Variants in SLC30A7 observed in about 807,000 individuals in gnomAD.
The protein encoded by SLC30A7 is zinc transporter 7.
A neutral mutation model predicts 46.0 loss-of-function variants in SLC30A7; 35 were observed. That is an observed-to-expected ratio of 0.76 (90% CI 0.58 to 1.01). The LOEUF is 1.01. Among genes scored for constraint, SLC30A7 ranks in the 50% least tolerant of loss-of-function variants. SLC30A7 has a pLI of 0.00. For synonymous variants in SLC30A7, 147 were observed against 157.8 expected, an observed-to-expected ratio of 0.93 and a Z score of 0.51; for missense variants, 464 against 451.1, an observed-to-expected ratio of 1.03 and a Z score of -0.26.
rs368250665 is a variant in SLC30A7, at chr1:100,898,359, T to G, written c.182+1688T>G. Among the ~76,000 whole-genome samples the G allele has an allele frequency of 7.0e-4, 107 of 152,320 alleles. 2 individuals are homozygous for G. The South Asian group carries it at 0.021, about 30-fold the overall frequency. On this transcript the variant is annotated intron_variant, in intron 2 of 10. Coordinates refer to ENST00000357650, the MANE Select transcript of SLC30A7 (RefSeq NM_133496.5). ...GTTGGGGAGATTACCAGAACCATTA[T>G]TTTTTAAGTCAGTATGCATCAGTGC...
chr1:100,933,397 A>G (rs1380761177), intron 8 of SLC30A7, among the ~76,000 whole-genome samples: 1 of 151,802 alleles, frequency 6.6e-6, no homozygotes, highest in Non-Finnish European at 1.5e-5. Flanking sequence ...GATTCCCATC[A>G]TTGTCCTAAC....
chr1:100,953,424 T>C (rs1012932595), intron 8 of SLC30A7, among the ~76,000 whole-genome samples: 8 of 152,244 alleles, frequency 5.3e-5, no homozygotes, highest in African/African-American at 1.9e-4. Flanking sequence ...TTGTCATTTC[T>C]GAAGCTACCT....
Position 100,912,100 on chromosome 1 carries a change from T to G in SLC30A7, c.385-12T>G. On this transcript the variant is annotated splice_polypyrimidine_tract_variant and intron_variant, in intron 4 of 10. Transcript: ENST00000357650. Reference sequence around the variant, plus strand: ...ATATCTATGCTATTTGTTTGTATTATGTGTTTTCTAGAGAGCATTAGCCCC... The same window carrying G: ...ATATCTATGCTATTTGTTTGTATTAGGTGTTTTCTAGAGAGCATTAGCCCC... The G allele has an allele frequency of 6.2e-7, 1 of 1,610,506 alleles. No homozygotes were observed. The highest frequency in any genetic ancestry group is 8.5e-7 in the Non-Finnish European group (1 of 1,177,510).
rs550133482 is a variant in SLC30A7, at chr1:100,976,448, T to C, written c.*1591T>C. The C allele has an allele frequency of 6.6e-5, 10 of 152,356 alleles. No individual in the cohort carries two copies. The highest frequency in any genetic ancestry group is 2.4e-4 in the African/African-American group (10 of 41,584). The allele number at this position is 152,356 out of a possible 1,614,324, so 9.4% of individuals were successfully genotyped here. The stretch of plus-strand genomic sequence containing the variant: ...TCTAGGAAGTAAGTGCTGAGTTGAT[T>C]TTCTAGGTTCTTACGTATTTGAAAA... On this transcript the variant is annotated 3_prime_UTR_variant, in exon 11 of 11. Transcript: ENST00000357650.
intron 8 of SLC30A7, among the ~76,000 whole-genome samples, chr1:100,943,153 T>G (rs1312084181): frequency 3.9e-5 from 6 of 152,058 alleles, no homozygotes; most frequent in African/African-American, 1.5e-4. Flanking sequence ...ATCTCACAGG[T>G]TGAGGGATCC....
intron 9 of SLC30A7, among the ~76,000 whole-genome samples, chr1:100,963,322 G>T (rs537772800): frequency 1.3e-5 from 2 of 152,258 alleles, no homozygotes; most frequent in African/African-American, 4.8e-5. Flanking sequence ...AAGAGTGTAG[G>T]ATCACAGAGT....
chr1:100,960,818 C>A (rs1047095906), intron 8 of SLC30A7, among the ~76,000 whole-genome samples: 2 of 151,898 alleles, frequency 1.3e-5, no homozygotes, highest in African/African-American at 4.8e-5. Flanking sequence ...GACATTCCCT[C>A]AAAGATTCTG....
At chr1:100,950,549 C>G (rs1043053476) in intron 8 of SLC30A7, among the ~76,000 whole-genome samples, 2 of 152,136 alleles carry the variant, frequency 1.3e-5, no homozygotes, top group Non-Finnish European at 2.9e-5. Context: ...AGAAAACTTT[C>G]ACATTGTTTT....
At chr1:100,970,699 T>A (rs1340481191) in intron 10 of SLC30A7, among the ~76,000 whole-genome samples, 16 of 145,442 alleles carry the variant, frequency 1.1e-4, no homozygotes, top group Non-Finnish European at 1.8e-4. Flanking sequence ...AAAAAAAAAA[T>A]GGGATACTAG....
chr1:100,930,456 A>G (rs2101044200), intron 8 of SLC30A7, among the ~76,000 whole-genome samples: 2 of 152,196 alleles, frequency 1.3e-5, no homozygotes, highest in South Asian at 4.1e-4. Context: ...ATTATAAGAA[A>G]TCATCATTGT....
chr1:100,972,180 G>A (rs1057345331), intron 10 of SLC30A7: 20 of 218,386 alleles, frequency 9.2e-5, no homozygotes, highest in African/African-American at 4.3e-4. Flanking sequence ...TGTCTGTCAT[G>A]TCTTTGTGAT....
chr1:100,928,637 C>A (rs1033479659), intron 8 of SLC30A7, among the ~76,000 whole-genome samples: 1 of 151,588 alleles, frequency 6.6e-6, no homozygotes, highest in Non-Finnish European at 1.5e-5. Flanking sequence ...TTGTATTATG[C>A]ATATGACATA....
intron 3 of SLC30A7, among the ~76,000 whole-genome samples, chr1:100,909,606 A>G (rs1324456003): frequency 6.6e-6 from 1 of 152,154 alleles, no homozygotes; most frequent in African/African-American, 2.4e-5. Context: ...GTAAAGGCAA[A>G]TGTGTTTAGT....
intron 8 of SLC30A7, among the ~76,000 whole-genome samples, chr1:100,959,321 A>G (rs1363343979): frequency 6.6e-6 from 1 of 152,256 alleles, no homozygotes; most frequent in Non-Finnish European, 1.5e-5. Flanking sequence ...CTGTGGATAC[A>G]TAATGAAGTA....
At chr1:100,901,029 T>C (rs553211363) in intron 2 of SLC30A7, among the ~76,000 whole-genome samples, 1 of 152,322 alleles carries the variant, frequency 6.6e-6, no homozygotes, top group Admixed American at 6.5e-5. Context: ...TGTCCCACCA[T>C]TGGATTGTTT....
intron 10 of SLC30A7, among the ~76,000 whole-genome samples, chr1:100,970,725 A>G (rs1006574771): frequency 6.6e-6 from 1 of 151,508 alleles, no homozygotes; most frequent in African/African-American, 2.4e-5. Context: ...GAAGGCAATT[A>G]ACATCTTATG....
intron 8 of SLC30A7, among the ~76,000 whole-genome samples, chr1:100,937,407 T>C (rs1654036246): frequency 6.6e-6 from 1 of 152,202 alleles, no homozygotes; most frequent in Non-Finnish European, 1.5e-5. Flanking sequence ...TGCAGAAGGG[T>C]TGTAATTTCT....
intron 3 of SLC30A7, among the ~76,000 whole-genome samples, chr1:100,908,596 A>G (rs1375806631): frequency 2.0e-5 from 3 of 152,188 alleles, no homozygotes; most frequent in African/African-American, 7.2e-5. Flanking sequence ...TAGATCCTAT[A>G]TATCTATAAA....
chr1:100,912,224 A>G lies in SLC30A7; in HGVS notation c.497A>G (p.His166Arg). 1 of 1,613,958 alleles carries G rather than the reference A, an allele frequency of 6.2e-7. No individual in the cohort carries two copies. Among genetic ancestry groups the G allele is most frequent in the Non-Finnish European group, 8.5e-7 (1 of 1,179,926 alleles). Reference protein sequence around the residue: ...IFVFKHGGHGHSHGSGHGHSH... With the variant: ...IFVFKHGGHGRSHGSGHGHSH... ...GTTTTCAAACATGGAGGTCATGGAC[A>G]TTCTCATGGCTCTGGTATGATGGTT... is the stretch of plus-strand genomic sequence containing the variant. The change falls in exon 5 of 11, where the codon CAT (histidine) becomes CGT (arginine). Residue 166 changes from histidine (H) to arginine (R), a missense_variant. Physicochemically the swap from His to Arg is conservative, Grantham distance 29. Coordinates refer to ENST00000357650, the MANE Select transcript of SLC30A7 (RefSeq NM_133496.5).
Sources: gnomAD v4.1 joint callset for allele counts (sites outside exome capture counted in the v4.1 genomes callset) on GRCh38, gnomAD v4.1.1 for gene constraint, MANE v1.5 for transcripts, NCBI Gene and HGNC (gene_info 2026-07-23, HGNC 2026-07-21) for gene names.